MROH7: variants seen among roughly 807,000 people sequenced by gnomAD.
MROH7 encodes the protein maestro heat-like repeat-containing protein family member 7.
Under a neutral mutation model 129.2 loss-of-function variants are expected in MROH7, and 113 were observed. That is an observed-to-expected ratio of 0.87 (90% CI 0.75 to 1.02). The LOEUF is 1.02. Ranked by LOEUF, MROH7 falls within the 50% of genes least tolerant of loss-of-function variation. MROH7 has a pLI of 0.00. For missense variants in MROH7, 1,601 were observed against 1,671.3 expected, an observed-to-expected ratio of 0.96 and a Z score of 0.73; for synonymous variants, 655 against 667.9, an observed-to-expected ratio of 0.98 and a Z score of 0.30.
chr1:54,659,039 C>G (rs766698782), intron 3 of MROH7: 13 of 395,688 alleles, frequency 3.3e-5, no homozygotes, highest in South Asian at 1.8e-5. Context: ...TATTCTTGAA[C>G]TTATTGCCAA....
In MROH7 at chr1:54,670,781, C is replaced by A. The variant is rs747833251; in HGVS notation, c.1470-19C>A. 6.2e-7 allele frequency: 1 copy of A among 1,610,500 alleles called. No individual in the cohort carries two copies. Among genetic ancestry groups the A allele is most frequent in the African/African-American group, 1.3e-5 (1 of 74,678 alleles). On this transcript the variant is annotated intron_variant, in intron 6 of 23. Transcript: ENST00000421030. Reference sequence around the variant, plus strand: ...GCCCCTCTCTCACTCCATTTCTTTGCTTTCTGCCTCTTCTCCAGCCACACC... The same window carrying A: ...GCCCCTCTCTCACTCCATTTCTTTGATTTCTGCCTCTTCTCCAGCCACACC...
At chr1:54,700,739 G>A (rs1052549320) in intron 18 of MROH7, among the ~76,000 whole-genome samples, 9 of 152,246 alleles carry the variant, frequency 5.9e-5, no homozygotes, top group Non-Finnish European at 1.2e-4. Flanking sequence ...TTACAGATAA[G>A]GAAACAGAGC....
At chr1:54,709,134 C>T in intron 23 of MROH7, 58 bp downstream of exon 23, 1 of 1,518,560 alleles carries the variant, frequency 6.6e-7, no homozygotes, top group East Asian at 2.3e-5. Flanking sequence ...TGAGTAGAAT[C>T]ACAGTGGGTA....
chr1:54,701,948 T>G, intron 19 of MROH7, 142 bp from the exon 20 acceptor site: 6 of 626,366 alleles, frequency 9.6e-6, no homozygotes, highest in Non-Finnish European at 1.5e-5. Flanking sequence ...TCAGGTGCCT[T>G]TTAGGTTAGT....
chr1:54,644,491 C>T (rs985966649), intron 1 of MROH7, among the ~76,000 whole-genome samples: 2 of 151,794 alleles, frequency 1.3e-5, no homozygotes, highest in Non-Finnish European at 2.9e-5. Flanking sequence ...TAGAGGTGCC[C>T]ACCACCATGC....
intron 10 of MROH7, 94 bp from the exon 11 acceptor site, chr1:54,678,648 T>A: frequency 1.2e-6 from 1 of 831,716 alleles, no homozygotes; most frequent in Admixed American, 2.0e-5. Context: ...TGAAAATGTA[T>A]CAAGTTAGTT....
chr1:54,683,889 A>G (rs904674979), intron 14 of MROH7, among the ~76,000 whole-genome samples: 2 of 152,184 alleles, frequency 1.3e-5, no homozygotes, highest in African/African-American at 2.4e-5. Context: ...ATCTGTACGT[A>G]GTATATTTTG....
chr1:54,687,728 A>G (rs1213027499), intron 15 of MROH7, among the ~76,000 whole-genome samples: 2 of 152,068 alleles, frequency 1.3e-5, no homozygotes, highest in East Asian at 1.9e-4. Context: ...GTGTATGAGT[A>G]TCTATTTCCC....
intron 10 of MROH7, among the ~76,000 whole-genome samples, chr1:54,674,594 A>G (rs895003482): frequency 2.6e-5 from 4 of 152,182 alleles, no homozygotes; most frequent in African/African-American, 9.7e-5. Context: ...CTCAGTGAAT[A>G]TCTATTGAAT....
chr1:54,665,465 GT>G, intron 4 of MROH7: 1 of 457,114 alleles, frequency 2.2e-6, no homozygotes, highest in Non-Finnish European at 3.9e-6. Flanking sequence ...GGGCATTTTT[GT>G]CTGTTATTCA....
rs480963 is a variant in MROH7 at position 54,670,856 on chromosome 1, T to C, written c.1526T>C (p.Val509Ala). ...RERSELVNVCVHSVFSLPSVQ... is the reference protein window; with the variant it reads ...RERSELVNVCAHSVFSLPSVQ... ...AGGTCGGAGCTGGTGAACGTGTGTGTGCACAGCGTGTTCTCCCTGCCCTCC... is the reference window on the plus strand; with the variant it reads ...AGGTCGGAGCTGGTGAACGTGTGTGCGCACAGCGTGTTCTCCCTGCCCTCC... The change falls in exon 7 of 24, where the codon GTG (valine) becomes GCG (alanine). Residue 509 changes from valine to alanine, a missense_variant. Physicochemically the swap from Val to Ala is moderately conservative, Grantham distance 64. Coordinates refer to ENST00000421030, the MANE Select transcript of MROH7 (RefSeq NM_001039464.4). The C allele has an allele frequency of 0.32, 511,704 of 1,613,080 alleles. 85,594 individuals carry two copies. The highest frequency in any genetic ancestry group is 0.52 in the Admixed American group (31,193 of 59,872).
intron 7 of MROH7, among the ~76,000 whole-genome samples, chr1:54,671,194 T>C (rs181037081): frequency 0.01 from 1,532 of 152,094 alleles, 35 homozygotes; most frequent in East Asian, 0.081. Flanking sequence ...GAGACCATCC[T>C]GGCTAACACG....
intron 14 of MROH7, among the ~76,000 whole-genome samples, chr1:54,683,179 TA>T (rs1279855012): frequency 1.3e-5 from 2 of 152,192 alleles, no homozygotes; most frequent in Admixed American, 1.3e-4. Context: ...TCTATTTTTT[TA>T]AAAAAATCCT....
intron 3 of MROH7, among the ~76,000 whole-genome samples, chr1:54,656,496 CA>C (rs1312237667): frequency 8.6e-6 from 1 of 116,466 alleles, no homozygotes; most frequent in Non-Finnish European, 1.7e-5. Flanking sequence ...GGAGACAGAG[CA>C]AGACTCCATC....
In MROH7 at chr1:54,710,236, C is replaced by A. The variant is rs41313357; in HGVS notation, c.*49C>A. The A allele has an allele frequency of 3.8e-3, 6,034 of 1,589,112 alleles. 23 individuals are homozygous for A. The highest frequency in any genetic ancestry group is 4.1e-3 in the Non-Finnish European group (4,853 of 1,169,588). ...TCAGGGTGGTTGAGTTCCAGCCATG[C>A]TCCCTATAAATGTCATGTGGCTTAC... On this transcript the variant is annotated 3_prime_UTR_variant, in exon 24 of 24. Coordinates refer to ENST00000421030, the MANE Select transcript of MROH7 (RefSeq NM_001039464.4).
intron 1 of MROH7, among the ~76,000 whole-genome samples, chr1:54,648,395 C>T (rs1228659723): frequency 2.0e-5 from 3 of 150,008 alleles, no homozygotes; most frequent in Non-Finnish European, 3.0e-5. Flanking sequence ...GACGGAGTTT[C>T]GCTCCTGTTG....
At chr1:54,690,153 G>T (rs998269607) in intron 15 of MROH7, among the ~76,000 whole-genome samples, 3 of 152,152 alleles carry the variant, frequency 2.0e-5, no homozygotes, top group African/African-American at 7.2e-5. Flanking sequence ...GGACACAAGA[G>T]CCACCCCACC....
chr1:54,696,692 G>C (rs1296860466), intron 17 of MROH7, among the ~76,000 whole-genome samples: 5 of 70,330 alleles, frequency 7.1e-5, no homozygotes, highest in Non-Finnish European at 1.3e-4. Flanking sequence ...TTTTTTTTGA[G>C]ATGGAGTCTT....
chr1:54,658,956 A>T (rs368406051), intron 3 of MROH7, among the ~76,000 whole-genome samples: 1 of 152,244 alleles, frequency 6.6e-6, no homozygotes, highest in East Asian at 1.9e-4. Context: ...TTGGGGGGAC[A>T]ACTGCTCTTG....
Sources: allele counts gnomAD v4.1 joint callset (sites outside exome capture counted in the v4.1 genomes callset), GRCh38; gene constraint gnomAD v4.1.1; transcripts MANE v1.5; gene names NCBI Gene and HGNC (gene_info 2026-07-23, HGNC 2026-07-21).